The following FSTL1 variants were observed in gnomAD, a reference collection of about 807,000 sequenced individuals.
The protein encoded by FSTL1 is follistatin-related protein 1.
Under a neutral mutation model 45.9 loss-of-function variants are expected in FSTL1, and 24 were observed. That is an observed-to-expected ratio of 0.52 (90% CI 0.38 to 0.74). FSTL1 has a LOEUF of 0.74. Among genes scored for constraint, FSTL1 ranks in the 30% least tolerant of loss-of-function variants. The pLI is 0.00. For missense variants in FSTL1, 340 were observed against 381.8 expected, an observed-to-expected ratio of 0.89 and a Z score of 0.91; for synonymous variants, 120 against 137.6, an observed-to-expected ratio of 0.87 and a Z score of 0.89.
rs571986719 is a variant in FSTL1, at chr3:120,413,122, T to C, written c.169-1139A>G. The stretch of plus-strand genomic sequence containing the variant: ...GGCAAGTTCAGTTTCTTTGGACTTC[T>C]ATGGTTTTTAAAGGGGAGAAGCAGG... On this transcript the variant is annotated intron_variant, in intron 3 of 10. Coordinates refer to ENST00000295633, the MANE Select transcript of FSTL1 (RefSeq NM_007085.5). 2.6e-5 allele frequency among the ~76,000 whole-genome samples: 4 copies of C among 152,286 alleles called. No individual in the cohort carries two copies. The South Asian group carries it at 6.2e-4, about 24-fold the overall frequency.
chr3:120,414,887 A>G (rs1937159074), intron 3 of FSTL1, among the ~76,000 whole-genome samples: 1 of 150,736 alleles, frequency 6.6e-6, no homozygotes, highest in Non-Finnish European at 1.5e-5. Flanking sequence ...TAGGAAAACC[A>G]GAGACCTTTG....
rs1936694166 is a variant in FSTL1, at chr3:120,396,122, C to G, written c.*830G>C. ...CAGGGTGGGGGCATCTGGGTTATTTCAGCCCCTGCACCAGGAAGAACCCCA... is the reference window on the plus strand; with the variant it reads ...CAGGGTGGGGGCATCTGGGTTATTTGAGCCCCTGCACCAGGAAGAACCCCA... On this transcript the variant is annotated 3_prime_UTR_variant, in exon 11 of 11. Transcript: ENST00000295633. The G allele has an allele frequency of 6.7e-6, 1 of 148,782 alleles. No individual in the cohort carries two copies. Among genetic ancestry groups the G allele is most frequent in the South Asian group, 2.2e-4 (1 of 4,536 alleles). The allele number at this position is 148,782 out of a possible 1,614,324, so 9.2% of individuals were successfully genotyped here. A position where few individuals can be genotyped will look rare whatever the true frequency, so the allele number is the denominator to read the frequency against.
At chr3:120,414,849 A>G (rs1937158211) in intron 3 of FSTL1, among the ~76,000 whole-genome samples, 1 of 151,418 alleles carries the variant, frequency 6.6e-6, no homozygotes, top group African/African-American at 2.4e-5. Context: ...GGACACAAAC[A>G]CTGCGGAAGG....
At chr3:120,410,682 T>G (rs1937033920) in intron 5 of FSTL1, 1 of 583,484 alleles carries the variant, frequency 1.7e-6, no homozygotes, top group South Asian at 1.5e-5. Context: ...ACTCAGTGGC[T>G]TTCCTGTTTA....
chr3:120,402,565 G>A (rs968462194), intron 9 of FSTL1, among the ~76,000 whole-genome samples: 1 of 151,646 alleles, frequency 6.6e-6, no homozygotes, highest in African/African-American at 2.4e-5. Context: ...CTTTTGCCCA[G>A]GGTCTTGGTC....
rs528321012 is a variant in FSTL1, at chr3:120,392,392, G to A, written c.*4560C>T. The A allele has an allele frequency of 5.9e-5, 9 of 152,266 alleles. No homozygotes were observed. In the South Asian group the frequency reaches 6.2e-4, roughly 11 times the overall value. The allele number at this position is 152,266 out of a possible 1,614,324, so 9.4% of individuals were successfully genotyped here. ...TCCTCTATCAGAGGCCAAAAAGTTCGAAGGCACAATGTTTGCAAGAATGTA... is the reference window on the plus strand; with the variant it reads ...TCCTCTATCAGAGGCCAAAAAGTTCAAAGGCACAATGTTTGCAAGAATGTA... On this transcript the variant is annotated 3_prime_UTR_variant, in exon 11 of 11. Coordinates refer to ENST00000295633, the MANE Select transcript of FSTL1 (RefSeq NM_007085.5).
intron 3 of FSTL1, among the ~76,000 whole-genome samples, 188 bp from the exon 4 acceptor site, chr3:120,412,171 TG>T (rs1203788100): frequency 2.0e-5 from 3 of 152,232 alleles, no homozygotes; most frequent in African/African-American, 7.2e-5. Context: ...CTGTCTCAGT[TG>T]CCTATGGCCC....
chr3:120,395,017 G>C lies in FSTL1; in HGVS notation c.*1935C>G, dbSNP rs1241259766. On this transcript the variant is annotated 3_prime_UTR_variant, in exon 11 of 11. Transcript: ENST00000295633. ...ACCTTTGATTAAGGCGTGCTGCTGT[G>C]AGTTCTCCAAGGCACTTGGACAGGG... The C allele has an allele frequency of 6.6e-6, 1 of 152,654 alleles. No homozygotes were observed. The highest frequency in any genetic ancestry group is 1.5e-5 in the Non-Finnish European group (1 of 68,418). The allele number at this position is 152,654 out of a possible 1,614,324, so 9.5% of individuals were successfully genotyped here. A position where few individuals can be genotyped will look rare whatever the true frequency, so the allele number is the denominator to read the frequency against.
chr3:120,404,808 A>C (rs1355999135), intron 7 of FSTL1, 45 bp downstream of exon 7: 1 of 960,220 alleles, frequency 1.0e-6, no homozygotes, highest in African/African-American at 1.6e-5. Flanking sequence ...TCTCTCAGTT[A>C]GTCTTCCCTT....
chr3:120,398,970 T>G (rs553641592), intron 10 of FSTL1, among the ~76,000 whole-genome samples: 5 of 152,304 alleles, frequency 3.3e-5, no homozygotes, highest in Admixed American at 1.3e-4. Flanking sequence ...ATACTATCAG[T>G]GACAATGATG....
At chr3:120,432,332 T>C (rs556359716) in intron 2 of FSTL1, among the ~76,000 whole-genome samples, 5 of 152,282 alleles carry the variant, frequency 3.3e-5, no homozygotes, top group African/African-American at 1.2e-4. Context: ...CTTGAAGCAG[T>C]TGGGATGTCA....
At chr3:120,404,669 T>C (rs116839222) in intron 7 of FSTL1, among the ~76,000 whole-genome samples, 184 bp downstream of exon 7, 1 of 152,358 alleles carries the variant, frequency 6.6e-6, no homozygotes, top group Non-Finnish European at 1.5e-5. Flanking sequence ...TTTGATTAGA[T>C]ATCAGTGGTA....
In FSTL1 at chr3:120,404,841, G is replaced by T; in HGVS notation, c.581+12C>A. On this transcript the variant is annotated intron_variant, in intron 7 of 10. Transcript: ENST00000295633. ...CTTGTGGATCATTCTCTGACCTCTC[G>T]GTTCCTCTCACCTAAGCAACTTGTT... 8.0e-7 allele frequency: 1 copy of T among 1,257,426 alleles called. No homozygotes were observed. Among genetic ancestry groups the T allele is most frequent in the South Asian group, 1.2e-5 (1 of 84,042 alleles). The allele number at this position is 1,257,426 out of a possible 1,614,324, so 77.9% of individuals were successfully genotyped here.
Position 120,411,932 on chromosome 3 carries a change from G to A in FSTL1, c.220C>T (p.Leu74Phe), listed in dbSNP as rs1431923519. Residue 74 changes from leucine to phenylalanine, a missense_variant, in exon 4 of 11, where the codon CTC becomes TTC. Transcript: ENST00000295633. ...TCTCGATGCAGTTCACAGTGGTTGA[G>A]GTAGGTCTTGCCATTACTGCCACAC... Reference protein sequence around the residue: ...PVCGSNGKTYLNHCELHRDAC... With the variant: ...PVCGSNGKTYFNHCELHRDAC... 3 of 1,613,110 alleles carry A rather than the reference G, an allele frequency of 1.9e-6. No individual in the cohort carries two copies. The South Asian group carries it at 3.3e-5, about 18-fold the overall frequency.
rs140172948 is a variant in FSTL1, at chr3:120,428,485, C to T, written c.64-12458G>A. On this transcript the variant is annotated intron_variant, in intron 2 of 10. Coordinates refer to ENST00000295633, the MANE Select transcript of FSTL1 (RefSeq NM_007085.5). Reference sequence around the variant, plus strand: ...CAGTGGCTCATACCTGTAATCCCAGCCCTCTGGGAGGCCTAGGCAGGTGGA... The same window carrying T: ...CAGTGGCTCATACCTGTAATCCCAGTCCTCTGGGAGGCCTAGGCAGGTGGA... 3.4e-3 allele frequency among the ~76,000 whole-genome samples: 521 copies of T among 152,256 alleles called. 3 individuals carry two copies. Among genetic ancestry groups the T allele is most frequent in the African/African-American group, 0.012 (487 of 41,546 alleles).
chr3:120,431,447 G>A (rs1416531386), intron 2 of FSTL1, among the ~76,000 whole-genome samples: 4 of 152,122 alleles, frequency 2.6e-5, no homozygotes, highest in Admixed American at 2.0e-4. Context: ...TACACTTACA[G>A]TACATCTAAA....
rs1411708864 is a variant in FSTL1 at position 120,430,502 on chromosome 3, A to G, written c.64-14475T>C. On this transcript the variant is annotated intron_variant, in intron 2 of 10. Transcript: ENST00000295633. ...TTAACACCATTGTTCTCTACTAGGCATGGGTGTCAGGAAGTTCTGGCACCC... is the reference window on the plus strand; with the variant it reads ...TTAACACCATTGTTCTCTACTAGGCGTGGGTGTCAGGAAGTTCTGGCACCC... 2.0e-5 allele frequency among the ~76,000 whole-genome samples: 3 copies of G among 152,222 alleles called. 1 individual carries two copies. The highest frequency in any genetic ancestry group is 7.2e-5 in the African/African-American group (3 of 41,470).
At chr3:120,433,124 T>TGGGAC (rs1937507220) in intron 2 of FSTL1, among the ~76,000 whole-genome samples, 2 of 152,252 alleles carry the variant, frequency 1.3e-5, no homozygotes, top group Admixed American at 1.3e-4. Context: ...TTTAATGCTT[T>TGGGAC]ATTTCATATT....
At chr3:120,412,838 G>GCGCGCGCGCGCACA (rs1429168694) in intron 3 of FSTL1, among the ~76,000 whole-genome samples, 1 of 106,132 alleles carries the variant, frequency 9.4e-6, no homozygotes, top group South Asian at 3.0e-4. Flanking sequence ...GCGCGCGCGC[G>GCGCGCGCGCGCACA]CACACACACA....
Sources: allele counts gnomAD v4.1 joint callset (sites outside exome capture counted in the v4.1 genomes callset), GRCh38; gene constraint gnomAD v4.1.1; transcripts MANE v1.5; gene names NCBI Gene and HGNC (gene_info 2026-07-23, HGNC 2026-07-21).